Variants in CDH13 observed in about 807,000 individuals in gnomAD.
CDH13 encodes cadherin 13.
Under a neutral mutation model 63.8 loss-of-function variants are expected in CDH13, and 24 were observed. The ratio of observed to expected loss-of-function variants is 0.38; its 90% CI spans 0.27 to 0.53. The LOEUF is 0.53. Among genes scored for constraint, CDH13 ranks in the 20% least tolerant of loss-of-function variants. The pLI, the probability that CDH13 is intolerant of heterozygous loss-of-function variation, is 0.85. For missense variants in CDH13, 1,049 were observed against 903.1 expected (o/e 1.16, Z -2.07); for synonymous variants, 503 against 355.3 (o/e 1.42, Z -4.67).
intron 2 of CDH13, among the ~76,000 whole-genome samples, chr16:82,910,411 C>T (rs1033573915): frequency 6.6e-6 from 1 of 152,170 alleles, no homozygotes; most frequent in African/African-American, 2.4e-5. Context: ...TCCCTCCAGC[C>T]CCTACCTTTT....
intron 3 of CDH13, among the ~76,000 whole-genome samples, chr16:83,103,777 A>T (rs1346133323): frequency 6.6e-6 from 1 of 152,212 alleles, no homozygotes; most frequent in African/African-American, 2.4e-5. Context: ...TGTTTGCAAG[A>T]CTTAGTGCCT....
At chr16:83,446,700 A>G (rs1429672099) in intron 6 of CDH13, among the ~76,000 whole-genome samples, 2 of 152,112 alleles carry the variant, frequency 1.3e-5, no homozygotes, top group Non-Finnish European at 2.9e-5. Context: ...ATTAATTTAA[A>G]CAAGTTCAGT....
At chr16:83,517,288 T>C (rs1014598125) in intron 7 of CDH13, among the ~76,000 whole-genome samples, 2 of 152,236 alleles carry the variant, frequency 1.3e-5, no homozygotes, top group East Asian at 1.9e-4. Context: ...ACTTGAAATA[T>C]TAATCAGGGC....
At chr16:83,403,290 G>C (rs543018563) in intron 6 of CDH13, among the ~76,000 whole-genome samples, 1 of 152,318 alleles carries the variant, frequency 6.6e-6, no homozygotes, top group South Asian at 2.1e-4. Context: ...TAGAATGGAA[G>C]TCACGACCTT....
intron 8 of CDH13, among the ~76,000 whole-genome samples, chr16:83,668,332 T>A (rs1166689982): frequency 1.3e-5 from 2 of 152,230 alleles, no homozygotes; most frequent in Non-Finnish European, 2.9e-5. Context: ...CAGGTGCACA[T>A]AGAGCCTCCA....
intron 8 of CDH13, among the ~76,000 whole-genome samples, chr16:83,603,810 T>C (rs943435091): frequency 3.9e-5 from 6 of 152,162 alleles, no homozygotes; most frequent in African/African-American, 1.4e-4. Flanking sequence ...GAGGTTTAAT[T>C]GGCTCATGAT....
intron 5 of CDH13, among the ~76,000 whole-genome samples, chr16:83,218,831 G>A (rs775812066): frequency 1.3e-5 from 2 of 152,238 alleles, no homozygotes; most frequent in Non-Finnish European, 2.9e-5. Context: ...TTGAGTCATG[G>A]GGGTGAGTCT....
intron 1 of CDH13, among the ~76,000 whole-genome samples, chr16:82,660,675 C>T (rs145241228): frequency 7.5e-4 from 114 of 152,274 alleles, no homozygotes; most frequent in African/African-American, 2.6e-3. Context: ...GACCCTAGAG[C>T]AGCTTCAGAC....
At chr16:82,755,275 A>G (rs2034571035) in intron 1 of CDH13, among the ~76,000 whole-genome samples, 1 of 152,118 alleles carries the variant, frequency 6.6e-6, no homozygotes. Flanking sequence ...GTCCCAAATG[A>G]TGGCTCATGG....
At chr16:83,764,845 C>G (rs1388174615) in intron 11 of CDH13, among the ~76,000 whole-genome samples, 1 of 152,214 alleles carries the variant, frequency 6.6e-6, no homozygotes, top group Non-Finnish European at 1.5e-5. Context: ...CATGACAGTC[C>G]TGGCCTCCTC....
intron 7 of CDH13, among the ~76,000 whole-genome samples, chr16:83,553,364 T>A (rs2075544239): frequency 6.6e-6 from 1 of 152,234 alleles, no homozygotes; most frequent in South Asian, 2.1e-4. Flanking sequence ...AATTCACATC[T>A]GTAATCCCAT....
chr16:83,141,629 G>A (rs997700358), intron 4 of CDH13, among the ~76,000 whole-genome samples: 4 of 152,030 alleles, frequency 2.6e-5, no homozygotes, highest in African/African-American at 9.7e-5. Context: ...TTTAAGCCCC[G>A]TGTGCATTAG....
At chr16:83,648,122 A>C (rs1173688200) in intron 8 of CDH13, among the ~76,000 whole-genome samples, 3 of 152,236 alleles carry the variant, frequency 2.0e-5, no homozygotes, top group East Asian at 3.9e-4. Flanking sequence ...ACAAAGCAGG[A>C]GTTAAGGGAA....
At position 83,795,410 on chromosome 16, in the gene CDH13, T is replaced by C. The variant is rs1253297309; in HGVS notation, c.*380T>C. 5.0e-6 allele frequency: 1 copy of C among 201,646 alleles called. No homozygotes were observed. Among genetic ancestry groups the C allele is most frequent in the Admixed American group, 5.4e-5 (1 of 18,580 alleles). 12.5% of individuals were successfully genotyped at this position (201,646 alleles called of 1,614,324 possible). On this transcript the variant is annotated 3_prime_UTR_variant, in exon 14 of 14. Coordinates refer to ENST00000567109, the MANE Select transcript of CDH13 (RefSeq NM_001257.5). Reference sequence around the variant, plus strand: ...GTATGTATGAGTATCTGTATGTATATATACACGGTATTTATAGAGAGAGAC... The same window carrying C: ...GTATGTATGAGTATCTGTATGTATACATACACGGTATTTATAGAGAGAGAC...
In CDH13 at chr16:83,248,555, T is replaced by C. The variant is rs142860059; in HGVS notation, c.636+31058T>C. On this transcript the variant is annotated intron_variant, in intron 5 of 13. Coordinates refer to ENST00000567109, the MANE Select transcript of CDH13 (RefSeq NM_001257.5). ...TAGTAGATCAAGAAGATTTCTACAATGTAGTACATCTCTTTTCTCTTGGCT... is the reference window on the plus strand; with the variant it reads ...TAGTAGATCAAGAAGATTTCTACAACGTAGTACATCTCTTTTCTCTTGGCT... 1.3e-4 allele frequency among the ~76,000 whole-genome samples: 20 copies of C among 152,328 alleles called. No individual in the cohort carries two copies. The East Asian group carries it at 2.7e-3, about 21-fold the overall frequency.
At chr16:82,774,038 C>T (rs1380531942) in intron 1 of CDH13, among the ~76,000 whole-genome samples, 2 of 152,102 alleles carry the variant, frequency 1.3e-5, no homozygotes, top group Non-Finnish European at 2.9e-5. Context: ...CTGCCTTGGC[C>T]TCCCAAAGTG....
intron 3 of CDH13, among the ~76,000 whole-genome samples, chr16:83,112,620 T>C (rs1335096610): frequency 6.6e-6 from 1 of 152,184 alleles, no homozygotes; most frequent in Non-Finnish European, 1.5e-5. Context: ...CATAATATTA[T>C]AGTAAATACC....
intron 6 of CDH13, among the ~76,000 whole-genome samples, chr16:83,354,123 G>C (rs918765): frequency 0.62 from 94,434 of 152,104 alleles, 31,187 homozygotes; most frequent in East Asian, 0.87. Flanking sequence ...AATTTCTAGC[G>C]AAAATGAAAA....
At chr16:82,752,115 T>C (rs572495804) in intron 1 of CDH13, among the ~76,000 whole-genome samples, 15 of 152,334 alleles carry the variant, frequency 9.8e-5, no homozygotes, top group African/African-American at 2.6e-4. Context: ...ACAAGTGTTA[T>C]TTATACCATA....
Sources: gnomAD v4.1 joint callset for allele counts (sites outside exome capture counted in the v4.1 genomes callset) on GRCh38, gnomAD v4.1.1 for gene constraint, MANE v1.5 for transcripts, NCBI Gene and HGNC (gene_info 2026-07-23, HGNC 2026-07-21) for gene names.